Variants in RBFOX1 observed in about 807,000 individuals in gnomAD.
RBFOX1 encodes the protein RNA binding fox-1 homolog 1, also known as RNA binding protein fox-1 homolog 1.
A neutral mutation model predicts 57.7 loss-of-function variants in RBFOX1; 8 were observed. The ratio of observed to expected loss-of-function variants is 0.14; its 90% CI spans 0.08 to 0.25. The LOEUF (loss-of-function observed/expected upper bound fraction) is 0.25, where lower values mean the gene tolerates loss of function less well. RBFOX1 is among the 10% of genes least tolerant of loss of function. The pLI, the probability that RBFOX1 is intolerant of heterozygous loss-of-function variation, is 1.00. For synonymous variants in RBFOX1, 326 were observed against 222.4 expected (o/e 1.47, Z -4.15); for missense variants, 611 against 548.5 (o/e 1.11, Z -1.14).
chr16:6,184,139 T>C (rs138022250), intron 1 of RBFOX1, among the ~76,000 whole-genome samples: 1 of 152,252 alleles, frequency 6.6e-6, no homozygotes, highest in East Asian at 1.9e-4. Context: ...TTCACTACCA[T>C]GAAAACAGTA....
At chr16:6,402,758 A>G (rs2093127294) in intron 2 of RBFOX1, among the ~76,000 whole-genome samples, 3 of 152,182 alleles carry the variant, frequency 2.0e-5, no homozygotes, top group Admixed American at 2.0e-4. Context: ...TGATATTTTT[A>G]TATTATTACT....
chr16:7,377,084 ACTT>A (rs1568497701), intron 4 of RBFOX1, among the ~76,000 whole-genome samples: 1 of 152,202 alleles, frequency 6.6e-6, no homozygotes, highest in African/African-American at 2.4e-5. Context: ...TTCAGTTTCC[ACTT>A]CTTTTTCATG....
chr16:5,364,077 A>G (rs2065635591), intron 1 of RBFOX1, among the ~76,000 whole-genome samples: 1 of 152,246 alleles, frequency 6.6e-6, no homozygotes, highest in South Asian at 2.1e-4. Context: ...TATCAGAAGC[A>G]GAAACTGGCA....
chr16:7,235,789 G>A (rs138160730), intron 4 of RBFOX1, among the ~76,000 whole-genome samples: 2 of 152,298 alleles, frequency 1.3e-5, no homozygotes, highest in Admixed American at 1.3e-4. Context: ...GTAATATCCT[G>A]TGCTAGCCTG....
intron 2 of RBFOX1, among the ~76,000 whole-genome samples, chr16:6,345,208 C>T (rs2085188683): frequency 6.6e-6 from 1 of 152,112 alleles, no homozygotes; most frequent in East Asian, 1.9e-4. Context: ...CAGGAGGGTT[C>T]TTGGCTTTAC....
chr16:5,817,956 C>T (rs1034004885), intron 3 of RBFOX1, among the ~76,000 whole-genome samples: 1 of 151,876 alleles, frequency 6.6e-6, no homozygotes, highest in South Asian at 2.1e-4. Context: ...TCCAAAAGTG[C>T]TGGGATTACG....
At chr16:7,148,099 T>C (rs7200141) in intron 4 of RBFOX1, among the ~76,000 whole-genome samples, 1 of 152,084 alleles carries the variant, frequency 6.6e-6, no homozygotes, top group Non-Finnish European at 1.5e-5. Flanking sequence ...TCACAGCCAA[T>C]CTCTAGGAAG....
At chr16:7,153,988 G>A (rs564951541) in intron 4 of RBFOX1, among the ~76,000 whole-genome samples, 1 of 152,262 alleles carries the variant, frequency 6.6e-6, no homozygotes, top group African/African-American at 2.4e-5. Flanking sequence ...TGACATCTGT[G>A]TGGATTTGAT....
intron 1 of RBFOX1, among the ~76,000 whole-genome samples, chr16:6,110,812 G>A (rs141748222): frequency 1.8e-4 from 27 of 152,280 alleles, no homozygotes; most frequent in African/African-American, 6.5e-4. Context: ...CAGTGCTGCT[G>A]GCATTAGTGG....
rs548159311 is a variant in RBFOX1 at position 5,659,259 on chromosome 16, C to G, written c.318+60298C>G. Among the ~76,000 whole-genome samples, 105 of 149,474 alleles carry G rather than the reference C, an allele frequency of 7.0e-4. 1 individual carries two copies. The highest frequency in any genetic ancestry group is 2.3e-3 in the African/African-American group (94 of 40,878). On this transcript the variant is annotated intron_variant, in intron 3 of 19. Transcript: ENST00000641259. ...TTGATTTGCATTTCCCTGATGATTA[C>G]TGATGTTGGACATTTTTCTTATGTT...
At chr16:6,815,643 C>G (rs145976870) in intron 3 of RBFOX1, among the ~76,000 whole-genome samples, 4 of 152,154 alleles carry the variant, frequency 2.6e-5, no homozygotes, top group East Asian at 1.9e-4. Flanking sequence ...TTTCTCAAGG[C>G]TACCTACTTA....
rs891136562 is a variant in RBFOX1 at position 6,487,158 on chromosome 16, G to GTC, written c.-63-167444_-63-167443insCT. Among the ~76,000 whole-genome samples, 74 of 149,154 alleles carry GTC rather than the reference G, an allele frequency of 5.0e-4. 1 individual carries two copies. The South Asian group carries it at 0.013, about 26-fold the overall frequency. On this transcript the variant is annotated intron_variant, in intron 2 of 15. Transcript: ENST00000550418. ...TTGTGGGGTTTCTGTGTGTGTGTGT[G>GTC]TGTGTGTGTGTGTGTGTGTGTGTAC...
rs576169007 is a variant in RBFOX1 at position 6,380,918 on chromosome 16, AG to A, written c.-64+63863del. ...TTTACCAAGTGGAGGAACAAACCAA[AG>A]GTCCTCATATTTTTCTGTGCATTCT... On this transcript the variant is annotated intron_variant, in intron 2 of 15. Coordinates refer to ENST00000550418, the MANE Select transcript of RBFOX1 (RefSeq NM_018723.4). 1.5e-3 allele frequency among the ~76,000 whole-genome samples: 224 copies of A among 152,258 alleles called. 1 individual carries two copies. The highest frequency in any genetic ancestry group is 4.9e-3 in the African/African-American group (205 of 41,556).
intron 4 of RBFOX1, among the ~76,000 whole-genome samples, chr16:5,977,393 C>G (rs1018110107): frequency 6.6e-6 from 1 of 152,174 alleles, no homozygotes; most frequent in African/African-American, 2.4e-5. Context: ...ACTGTGGGAG[C>G]TATGTGTCCC....
chr16:5,999,445 T>G (rs2060548453), intron 4 of RBFOX1, among the ~76,000 whole-genome samples: 1 of 152,238 alleles, frequency 6.6e-6, no homozygotes, highest in South Asian at 2.1e-4. Flanking sequence ...GATCATTTGA[T>G]TCATTTTTTT....
At chr16:6,950,357 T>C (rs2080461499) in intron 3 of RBFOX1, among the ~76,000 whole-genome samples, 1 of 152,058 alleles carries the variant, frequency 6.6e-6, no homozygotes, top group Non-Finnish European at 1.5e-5. Context: ...GTTACTTGTG[T>C]GGATCTCTGT....
intron 14 of RBFOX1, among the ~76,000 whole-genome samples, chr16:7,708,740 C>G (rs766423650): frequency 3.3e-5 from 5 of 152,164 alleles, no homozygotes; most frequent in Non-Finnish European, 5.9e-5. Context: ...TCTTTCTTAC[C>G]TACCTCAGTC....
chr16:7,550,323 G>A (rs1338494918), intron 5 of RBFOX1, among the ~76,000 whole-genome samples: 1 of 151,510 alleles, frequency 6.6e-6, no homozygotes, highest in South Asian at 2.1e-4. Flanking sequence ...GGAATCCTCT[G>A]CCCGTGAAGG....
chr16:5,296,024 T>C (rs562932647), intron 1 of RBFOX1, among the ~76,000 whole-genome samples: 2 of 152,356 alleles, frequency 1.3e-5, no homozygotes, highest in South Asian at 4.1e-4. Flanking sequence ...ATCAGGTTGA[T>C]ACTGGTCATC....
Sources: allele counts gnomAD v4.1 joint callset (sites outside exome capture counted in the v4.1 genomes callset), GRCh38; gene constraint gnomAD v4.1.1; transcripts MANE v1.5; gene names NCBI Gene and HGNC (gene_info 2026-07-23, HGNC 2026-07-21).